HHLA2: variants seen among roughly 807,000 people sequenced by gnomAD.
The protein encoded by HHLA2 is HERV-H LTR-associating protein 2.
Under a neutral mutation model 45.9 loss-of-function variants are expected in HHLA2, and 48 were observed. The ratio of observed to expected loss-of-function variants is 1.05; its 90% CI spans 0.83 to 1.33. The LOEUF (loss-of-function observed/expected upper bound fraction) is 1.33. HHLA2 is among the 40% of genes most tolerant of loss of function. The probability of loss-of-function intolerance (pLI) is 0.00; values close to 1 mark genes in which losing one functional copy is unlikely to be tolerated. For synonymous variants in HHLA2, 161 were observed against 173.9 expected, an observed-to-expected ratio of 0.93 and a Z score of 0.59; for missense variants, 462 against 494.3, an observed-to-expected ratio of 0.93 and a Z score of 0.62.
rs565245212 is a variant in HHLA2, at chr3:108,352,848, G to A, written c.65-579G>A. ...TCCTGAGAGCAGTCTTAAACTCAAA[G>A]CAAATGAATGACTCTCTTTCCCTTT... On this transcript the variant is annotated intron_variant, in intron 4 of 10. Coordinates refer to ENST00000619531, the Ensembl canonical transcript of HHLA2. Among the ~76,000 whole-genome samples the A allele has an allele frequency of 1.2e-3, 176 of 152,246 alleles. 2 individuals are homozygous for A. The highest frequency in any genetic ancestry group is 4.1e-3 in the African/African-American group (169 of 41,544).
intron 7 of HHLA2, 62 bp from the exon 7 acceptor site, chr3:108,362,280 C>A: frequency 8.2e-7 from 1 of 1,218,108 alleles, no homozygotes; most frequent in Non-Finnish European, 1.2e-6. Context: ...CCCACCCACA[C>A]ATTTCTTATC....
In HHLA2 at chr3:108,353,440, G is replaced by T. The variant is rs199766070; in HGVS notation, c.78G>T (p.Leu26Phe). 2.0e-3 allele frequency: 3,080 copies of T among 1,573,904 alleles called. 5 individuals carry two copies. Among genetic ancestry groups the T allele is most frequent in the Non-Finnish European group, 2.5e-3 (2,864 of 1,157,246 alleles). The change falls in exon 5 of 11, where the codon TTG becomes TTT. Residue 26 changes from leucine (L) to phenylalanine (F), a missense_variant. Leu to Phe is a conservative substitution (Grantham distance 22). This residue lies in a region of HHLA2 where 335 missense variants were observed against 367.4 expected (regional missense o/e 0.91). Transcript: ENST00000619531. ...TCTTGACTGTAGGCATATTCCCTTTGGCTTTCTTCATTTATGTTCCTATGA... is the reference window on the plus strand; with the variant it reads ...TCTTGACTGTAGGCATATTCCCTTTTGCTTTCTTCATTTATGTTCCTATGA...
At chr3:108,341,409 C>T (rs766169304) in intron 3 of HHLA2, among the ~76,000 whole-genome samples, 6 of 152,138 alleles carry the variant, frequency 3.9e-5, no homozygotes, top group Non-Finnish European at 5.9e-5. Flanking sequence ...CCATAAGGCA[C>T]ATTAAACTTA....
intron 8 of HHLA2, among the ~76,000 whole-genome samples, chr3:108,372,391 A>G (rs1317284660): frequency 6.6e-6 from 1 of 151,884 alleles, no homozygotes; most frequent in Middle Eastern, 3.2e-3. Context: ...TCCAAAATTG[A>G]CACCCTAACA....
intron 7 of HHLA2, among the ~76,000 whole-genome samples, chr3:108,359,130 G>C (rs2081947134): frequency 6.6e-6 from 1 of 151,872 alleles, no homozygotes; most frequent in Non-Finnish European, 1.5e-5. Context: ...AGTTAAGCCT[G>C]CAATCTATTT....
intron 8 of HHLA2, among the ~76,000 whole-genome samples, chr3:108,365,624 T>A (rs1174654108): frequency 6.7e-6 from 1 of 150,074 alleles, no homozygotes; most frequent in African/African-American, 2.4e-5. Flanking sequence ...AGTATGAAAT[T>A]TTTTTCCATT....
chr3:108,315,300 C>T (rs2081083962), intron 2 of HHLA2, among the ~76,000 whole-genome samples: 1 of 152,146 alleles, frequency 6.6e-6, no homozygotes, highest in Non-Finnish European at 1.5e-5. Context: ...TCAGAGAACC[C>T]TCAGATATGA....
intron 2 of HHLA2, among the ~76,000 whole-genome samples, chr3:108,314,260 G>A (rs1228259290): frequency 1.3e-5 from 2 of 151,406 alleles, no homozygotes; most frequent in Non-Finnish European, 2.9e-5. Context: ...GGGAACAACT[G>A]TAGCACTGCA....
chr3:108,313,063 C>CA (rs759970464), intron 2 of HHLA2, among the ~76,000 whole-genome samples: 16 of 152,100 alleles, frequency 1.1e-4, no homozygotes, highest in Non-Finnish European at 2.1e-4. Context: ...GTTTTCATGG[C>CA]AAAAGGATGA....
chr3:108,304,901 A>C (rs2080905473), intron 1 of HHLA2, among the ~76,000 whole-genome samples: 1 of 152,152 alleles, frequency 6.6e-6, no homozygotes, highest in Non-Finnish European at 1.5e-5. Context: ...GATTACCACA[A>C]TATGTTGTCA....
At chr3:108,347,988 C>G (rs1053709302) in intron 3 of HHLA2, among the ~76,000 whole-genome samples, 2 of 151,932 alleles carry the variant, frequency 1.3e-5, no homozygotes, top group Non-Finnish European at 2.9e-5. Flanking sequence ...GTGGAAATGG[C>G]TCATGTTAAC....
chr3:108,325,058 A>G (rs2081264637), intron 2 of HHLA2, among the ~76,000 whole-genome samples: 1 of 152,056 alleles, frequency 6.6e-6, no homozygotes, highest in Non-Finnish European at 1.5e-5. Context: ...AGGTACTTTA[A>G]TTCTGTCTTT....
At chr3:108,342,674 C>T (rs891923694) in intron 3 of HHLA2, among the ~76,000 whole-genome samples, 3 of 152,136 alleles carry the variant, frequency 2.0e-5, no homozygotes. Context: ...TCATGCTGTA[C>T]CCCTGGGACA....
At chr3:108,361,729 G>T (rs532719752) in intron 7 of HHLA2, among the ~76,000 whole-genome samples, 2 of 152,008 alleles carry the variant, frequency 1.3e-5, no homozygotes, top group Non-Finnish European at 2.9e-5. Flanking sequence ...GGGATAAGGC[G>T]GGGGACTACT....
intron 3 of HHLA2, among the ~76,000 whole-genome samples, chr3:108,332,247 T>A (rs1180929692): frequency 1.3e-5 from 2 of 152,164 alleles, no homozygotes; most frequent in Non-Finnish European, 2.9e-5. Context: ...CTGGGCACAG[T>A]TACCTCCAGG....
At chr3:108,315,219 C>A (rs2081082876) in intron 2 of HHLA2, among the ~76,000 whole-genome samples, 1 of 152,046 alleles carries the variant, frequency 6.6e-6, no homozygotes, top group Non-Finnish European at 1.5e-5. Flanking sequence ...AGAGCTGAGC[C>A]CTGGATATTC....
At chr3:108,366,552 G>GTACC (rs764629927) in intron 8 of HHLA2, among the ~76,000 whole-genome samples, 3 of 152,170 alleles carry the variant, frequency 2.0e-5, no homozygotes, top group Non-Finnish European at 2.9e-5. Context: ...AGAAGGAATG[G>GTACC]TACCAGCTCC....
At chr3:108,344,376 C>A (rs927215894) in intron 3 of HHLA2, among the ~76,000 whole-genome samples, 4 of 152,186 alleles carry the variant, frequency 2.6e-5, no homozygotes, top group African/African-American at 9.6e-5. Context: ...ACACCTAATA[C>A]AATAACTGAT....
At chr3:108,353,144 A>G (rs568806736) in intron 4 of HHLA2, among the ~76,000 whole-genome samples, 1 of 152,324 alleles carries the variant, frequency 6.6e-6, no homozygotes, top group Admixed American at 6.5e-5. Context: ...TGGAAGAGAG[A>G]TAAGATTATT....
Sources: gnomAD v4.1 joint callset for allele counts (sites outside exome capture counted in the v4.1 genomes callset) on GRCh38, gnomAD v4.1.1 for gene constraint, gnomAD v4.1.1 regional missense constraint, MANE v1.5 for transcripts, NCBI Gene and HGNC (gene_info 2026-07-23, HGNC 2026-07-21) for gene names.